The following CEP104 variants were observed in gnomAD, a reference collection of about 807,000 sequenced individuals.
CEP104 encodes the protein centrosomal protein of 104 kDa.
CEP104 carries 84 observed loss-of-function variants against 113.3 expected under a neutral mutation model. The ratio of observed to expected loss-of-function variants is 0.74; its 90% CI spans 0.62 to 0.89. The LOEUF (loss-of-function observed/expected upper bound fraction) is 0.89. Among genes scored for constraint, CEP104 ranks in the 40% least tolerant of loss-of-function variants. CEP104 has a pLI of 0.00. For missense variants in CEP104, 1,053 were observed against 1,156.6 expected (o/e 0.91, Z 1.30); for synonymous variants, 378 against 421.7 (o/e 0.90, Z 1.27).
At chr1:3,830,243 A>G (rs1278457781) in intron 13 of CEP104, among the ~76,000 whole-genome samples, 1 of 148,536 alleles carries the variant, frequency 6.7e-6, no homozygotes, top group Non-Finnish European at 1.5e-5. Context: ...GTGCAATTTC[A>G]TCCCTGCTGT....
chr1:3,845,458 G>A (rs544453503), intron 4 of CEP104, 107 bp from the exon 5 acceptor site: 1 of 832,542 alleles, frequency 1.2e-6, no homozygotes, highest in African/African-American at 1.7e-5. Context: ...CCAGGCTGGA[G>A]TGCAGTGGTG....
In CEP104 at chr1:3,814,250, G is replaced by C. The variant is rs967978531; in HGVS notation, c.*1152C>G. Reference sequence around the variant, plus strand: ...CTAGGCCCCTGGGAGCACAGGCTGGGGCAGCGAGAGGGTGGATGCTTCCAG... The same window carrying C: ...CTAGGCCCCTGGGAGCACAGGCTGGCGCAGCGAGAGGGTGGATGCTTCCAG... On this transcript the variant is annotated 3_prime_UTR_variant, in exon 22 of 22. Transcript: ENST00000378230. 2 of 152,220 alleles carry C rather than the reference G, an allele frequency of 1.3e-5. No individual in the cohort carries two copies. The highest frequency in any genetic ancestry group is 2.9e-5 in the Non-Finnish European group (2 of 68,064). The allele number at this position is 152,220 out of a possible 1,614,324, so 9.4% of individuals were successfully genotyped here.
Position 3,831,132 on chromosome 1 carries a change from C to G in CEP104, c.1750G>C (p.Ala584Pro). ...GCCAGGAGGCCCATCTGACTCATTGCCAGGTGAACTGAAGAGTTTGCTTTC... is the reference window on the plus strand; with the variant it reads ...GCCAGGAGGCCCATCTGACTCATTGGCAGGTGAACTGAAGAGTTTGCTTTC... ...PLKANSSVHLAMSQMGLLARL... is the reference protein window; with the variant it reads ...PLKANSSVHLPMSQMGLLARL... The change falls in exon 13 of 22, where the codon GCA becomes CCA. Residue 584 changes from alanine to proline, a missense_variant. Ala to Pro is a conservative substitution (Grantham distance 27). Transcript: ENST00000378230. 6.2e-7 allele frequency: 1 copy of G among 1,614,196 alleles called. No individual in the cohort carries two copies. Among genetic ancestry groups the G allele is most frequent in the Non-Finnish European group, 8.5e-7 (1 of 1,180,030 alleles).
intron 10 of CEP104, 71 bp from the exon 11 acceptor site, chr1:3,835,163 TG>T (rs1359798686): frequency 4.2e-6 from 5 of 1,195,450 alleles, no homozygotes; most frequent in African/African-American, 1.9e-5. Flanking sequence ...TTGAAGGCTT[TG>T]TTTTTTTTTT....
At chr1:3,856,836 GCCCCGCT>G (rs979701223) in intron 1 of CEP104, 46 bp downstream of exon 1, 3 of 141,276 alleles carry the variant, frequency 2.1e-5, no homozygotes, top group Non-Finnish European at 3.1e-5. Flanking sequence ...CGCGCCCCGC[GCCCCGCT>G]CCCCACTCCG....
chr1:3,856,148 C>T (rs1273690847), intron 1 of CEP104, among the ~76,000 whole-genome samples: 1 of 152,262 alleles, frequency 6.6e-6, no homozygotes, highest in Non-Finnish European at 1.5e-5. Context: ...GTGGCTCATG[C>T]CTGTAATCCC....
chr1:3,818,907 C>A (rs1643920089), intron 20 of CEP104, among the ~76,000 whole-genome samples: 1 of 152,160 alleles, frequency 6.6e-6, no homozygotes. Flanking sequence ...CTTTCTGTGT[C>A]CTGTTTGAGA....
At chr1:3,838,434 A>G (rs1644355080) in intron 8 of CEP104, among the ~76,000 whole-genome samples, 2 of 152,286 alleles carry the variant, frequency 1.3e-5, no homozygotes, top group African/African-American at 4.8e-5. Context: ...TACAGGCGTG[A>G]GCCACCATGC....
chr1:3,831,492 T>C (rs1387976139), intron 12 of CEP104, among the ~76,000 whole-genome samples: 1 of 152,234 alleles, frequency 6.6e-6, no homozygotes, highest in Non-Finnish European at 1.5e-5. Flanking sequence ...AGAAGCGTAA[T>C]TGAAAACTTG....
chr1:3,841,954 G>C (rs1644420669), intron 6 of CEP104, among the ~76,000 whole-genome samples: 1 of 152,230 alleles, frequency 6.6e-6, no homozygotes, highest in Non-Finnish European at 1.5e-5. Context: ...GAGGGAGGTA[G>C]CCATCCACTC....
chr1:3,832,618 C>T (rs1019133882), intron 12 of CEP104, among the ~76,000 whole-genome samples: 1 of 152,078 alleles, frequency 6.6e-6, no homozygotes, highest in Admixed American at 6.6e-5. Flanking sequence ...TCCTTATTTA[C>T]TCTGAAAATT....
In CEP104 at chr1:3,837,293, T is replaced by C. The variant is rs1438578815; in HGVS notation, c.1118A>G (p.Asn373Ser). Reference sequence around the variant, plus strand: ...CCAATCTGAAACAGAATTACCTACATTGATCTTTGGATGAGGATCTGTGGC... The same window carrying C: ...CCAATCTGAAACAGAATTACCTACACTGATCTTTGGATGAGGATCTGTGGC... ...LPATDPHPKI[N>S]AESLPYDERP... Residue 373 changes from asparagine (N) to serine (S), a missense_variant and splice_region_variant, in exon 9 of 22, where the codon AAT (asparagine) becomes AGT (serine). Coordinates refer to ENST00000378230, the MANE Select transcript of CEP104 (RefSeq NM_014704.4). The C allele has an allele frequency of 2.5e-6, 4 of 1,607,192 alleles. No homozygotes were observed. The highest frequency in any genetic ancestry group is 3.4e-6 in the Non-Finnish European group (4 of 1,174,142).
rs1644170480 is a variant in CEP104 at position 3,829,982 on chromosome 1, G to A, written c.1852C>T (p.Leu618=). The A allele has an allele frequency of 6.2e-7, 1 of 1,613,720 alleles. No individual in the cohort carries two copies. The highest frequency in any genetic ancestry group is 2.2e-5 in the East Asian group (1 of 44,892). ...DNVMKFSVSA[L]EHRVYEVRET... is the part of the protein sequence containing the mutation. Reference sequence around the variant, plus strand: ...CGGACCTCATACACTCTATGCTCCAGGGCACTCACTGAAAACTAAAGTTGG... The same window carrying A: ...CGGACCTCATACACTCTATGCTCCAAGGCACTCACTGAAAACTAAAGTTGG... The change falls in exon 14 of 22, where the codon CTG becomes TTG. Residue 618 remains leucine, a synonymous_variant. Coordinates refer to ENST00000378230, the MANE Select transcript of CEP104 (RefSeq NM_014704.4).
intron 3 of CEP104, among the ~76,000 whole-genome samples, chr1:3,848,261 G>A (rs1338437281): frequency 2.0e-5 from 3 of 152,022 alleles, no homozygotes; most frequent in East Asian, 3.9e-4. Flanking sequence ...GGCCGAGCGC[G>A]GTGACTCACG....
rs1432041394 is a variant in CEP104 at position 3,813,534 on chromosome 1, G to T, written c.*1868C>A. 6.8e-6 allele frequency: 1 copy of T among 148,056 alleles called. No individual in the cohort carries two copies. The highest frequency in any genetic ancestry group is 1.5e-5 in the Non-Finnish European group (1 of 67,100). 9.2% of individuals were successfully genotyped at this position (148,056 alleles called of 1,614,324 possible). On this transcript the variant is annotated 3_prime_UTR_variant, in exon 22 of 22. Coordinates refer to ENST00000378230, the MANE Select transcript of CEP104 (RefSeq NM_014704.4). The stretch of plus-strand genomic sequence containing the variant: ...TGCTGGGATTACAGCGTGAGCCACC[G>T]CGCCTGGCCTCCTCTCTCCTTATAA...
In CEP104 at chr1:3,839,776, C is replaced by A. The variant is rs778378591; in HGVS notation, c.567G>T (p.Arg189Ser). 6.2e-7 allele frequency: 1 copy of A among 1,607,594 alleles called. No homozygotes were observed. Residue 189 changes from arginine (R) to serine (S), a missense_variant and splice_region_variant, in exon 7 of 22, where the codon AGG (arginine) becomes AGT (serine). By Grantham distance (110) the Arg-to-Ser change is moderately radical (BLOSUM62 -1). Coordinates refer to ENST00000378230, the MANE Select transcript of CEP104 (RefSeq NM_014704.4). ...CTAGCGGAGAGATATAGTCAGATTTCCTAAAGGGAAGAAATGCATATTTTA... is the reference window on the plus strand; with the variant it reads ...CTAGCGGAGAGATATAGTCAGATTTACTAAAGGGAAGAAATGCATATTTTA... ...EDPALEGTYA[R>S]KSDYISPLDD...
At chr1:3,833,212 C>A (rs1343477324) in intron 12 of CEP104, among the ~76,000 whole-genome samples, 2 of 152,100 alleles carry the variant, frequency 1.3e-5, no homozygotes, top group African/African-American at 4.8e-5. Context: ...ATCTCCTAAC[C>A]TTGTGATCCA....
intron 1 of CEP104, among the ~76,000 whole-genome samples, chr1:3,854,441 G>C (rs1644672655): frequency 6.6e-6 from 1 of 152,020 alleles, no homozygotes; most frequent in African/African-American, 2.4e-5. Flanking sequence ...ATACCCTTCA[G>C]CTCTGAAGCC....
intron 6 of CEP104, among the ~76,000 whole-genome samples, chr1:3,842,239 C>T (rs1644426697): frequency 6.6e-6 from 1 of 152,184 alleles, no homozygotes; most frequent in African/African-American, 2.4e-5. Context: ...GCCACCACGC[C>T]CGGCTAATTT....
Sources: gnomAD v4.1 joint callset for allele counts (sites outside exome capture counted in the v4.1 genomes callset) on GRCh38, gnomAD v4.1.1 for gene constraint, MANE v1.5 for transcripts, NCBI Gene and HGNC (gene_info 2026-07-23, HGNC 2026-07-21) for gene names.